RBFOX1: variants seen among roughly 807,000 people sequenced by gnomAD.
RBFOX1 encodes RNA binding protein fox-1 homolog 1.
A neutral mutation model predicts 57.7 loss-of-function variants in RBFOX1; 8 were observed. The ratio of observed to expected loss-of-function variants is 0.14; its 90% CI spans 0.08 to 0.25. The LOEUF (loss-of-function observed/expected upper bound fraction) is 0.25. Ranked by LOEUF, RBFOX1 falls within the 10% of genes least tolerant of loss-of-function variation. The probability of loss-of-function intolerance (pLI) is 1.00; values close to 1 mark genes in which losing one functional copy is unlikely to be tolerated. For missense variants in RBFOX1, 611 were observed against 548.5 expected, an observed-to-expected ratio of 1.11 and a Z score of -1.14; for synonymous variants, 326 against 222.4, an observed-to-expected ratio of 1.47 and a Z score of -4.15.
intron 3 of RBFOX1, among the ~76,000 whole-genome samples, chr16:6,867,912 T>G (rs1180471183): frequency 6.6e-6 from 1 of 152,076 alleles, no homozygotes; most frequent in South Asian, 2.1e-4. Flanking sequence ...AACAAGAGAG[T>G]AATCAAATAT....
chr16:6,292,196 G>A (rs558082482), intron 1 of RBFOX1, among the ~76,000 whole-genome samples: 107 of 152,186 alleles, frequency 7.0e-4, no homozygotes, highest in Non-Finnish European at 1.1e-3. Context: ...AGAGGTCAAG[G>A]CTGCAGTAAG....
chr16:6,828,253 C>T (rs1402779698), intron 3 of RBFOX1, among the ~76,000 whole-genome samples: 1 of 152,092 alleles, frequency 6.6e-6, no homozygotes, highest in Non-Finnish European at 1.5e-5. Context: ...AGGCCAGGCA[C>T]AGTGGCTCAC....
rs892857107 is a variant in RBFOX1, at chr16:6,369,110, A to G, written c.-64+52053A>G. Among the ~76,000 whole-genome samples, 8 of 152,206 alleles carry G rather than the reference A, an allele frequency of 5.3e-5. 1 individual carries two copies. Among genetic ancestry groups the G allele is most frequent in the Non-Finnish European group, 1.2e-4 (8 of 68,050 alleles). Reference sequence around the variant, plus strand: ...TACATGTATGTATGTGTGTATATGTATATATGTTTGTCAGGGATAACTAAG... The same window carrying G: ...TACATGTATGTATGTGTGTATATGTGTATATGTTTGTCAGGGATAACTAAG... On this transcript the variant is annotated intron_variant, in intron 2 of 15. Coordinates refer to ENST00000550418, the MANE Select transcript of RBFOX1 (RefSeq NM_018723.4).
At chr16:5,515,072 T>C (rs533815445) in intron 2 of RBFOX1, among the ~76,000 whole-genome samples, 50 of 152,220 alleles carry the variant, frequency 3.3e-4, no homozygotes, top group African/African-American at 1.0e-3. Context: ...CTAATGAATT[T>C]ACAGAACAAG....
chr16:6,718,547 G>A (rs564957917), intron 3 of RBFOX1, among the ~76,000 whole-genome samples: 12 of 152,326 alleles, frequency 7.9e-5, no homozygotes, highest in Admixed American at 2.6e-4. Flanking sequence ...TTTTCGTGGA[G>A]ACCTGACATG....
chr16:6,884,878 G>A (rs550639144), intron 3 of RBFOX1, among the ~76,000 whole-genome samples: 1 of 152,122 alleles, frequency 6.6e-6, no homozygotes, highest in Middle Eastern at 3.2e-3. Flanking sequence ...AGCCTGCATG[G>A]CAGAGCAAGG....
At chr16:5,806,068 G>C (rs2055215894) in intron 3 of RBFOX1, among the ~76,000 whole-genome samples, 1 of 152,098 alleles carries the variant, frequency 6.6e-6, no homozygotes, top group African/African-American at 2.4e-5. Context: ...TATTATTCCA[G>C]TTTGTCCCTG....
intron 3 of RBFOX1, among the ~76,000 whole-genome samples, chr16:6,714,919 C>G (rs1166557362): frequency 2.0e-5 from 3 of 152,264 alleles, no homozygotes; most frequent in African/African-American, 7.2e-5. Context: ...AAAGTGGAGA[C>G]AGATTGGAGC....
At chr16:6,932,664 G>C (rs1008128617) in intron 3 of RBFOX1, among the ~76,000 whole-genome samples, 4 of 152,144 alleles carry the variant, frequency 2.6e-5, no homozygotes, top group African/African-American at 9.7e-5. Context: ...AGTTGCACCA[G>C]ATTCTGAAGT....
At chr16:7,435,914 G>T (rs1307575118) in intron 4 of RBFOX1, among the ~76,000 whole-genome samples, 2 of 152,150 alleles carry the variant, frequency 1.3e-5, no homozygotes, top group Non-Finnish European at 2.9e-5. Flanking sequence ...GACCAAAGCA[G>T]GCAGCACTTG....
intron 1 of RBFOX1, among the ~76,000 whole-genome samples, chr16:5,405,411 C>T (rs1042755410): frequency 2.6e-5 from 4 of 152,246 alleles, no homozygotes; most frequent in East Asian, 1.9e-4. Flanking sequence ...TGCACAAACT[C>T]TCTTTTGCCT....
chr16:5,768,687 C>T lies in RBFOX1; in HGVS notation c.319-98616C>T, dbSNP rs74852487. ...TCCACTCTGCCTGCTGGGGAGGAAG[C>T]GGATGATTCTGAGCCCAGCCCACGT... On this transcript the variant is annotated intron_variant, in intron 3 of 19. Transcript: ENST00000641259. 7.1e-3 allele frequency among the ~76,000 whole-genome samples: 1,081 copies of T among 152,220 alleles called. 14 individuals are homozygous for T. Among genetic ancestry groups the T allele is most frequent in the African/African-American group, 0.024 (1,018 of 41,556 alleles).
intron 2 of RBFOX1, among the ~76,000 whole-genome samples, chr16:6,629,887 G>C (rs2098361247): frequency 6.7e-6 from 1 of 149,762 alleles, no homozygotes; most frequent in Admixed American, 6.7e-5. Context: ...TGTTATGAAG[G>C]ACCTGGACTA....
At chr16:5,442,500 C>T (rs1324636786) in intron 1 of RBFOX1, among the ~76,000 whole-genome samples, 1 of 152,146 alleles carries the variant, frequency 6.6e-6, no homozygotes, top group African/African-American at 2.4e-5. Flanking sequence ...AAGTTGTGTA[C>T]ATGAGGCTGG....
intron 2 of RBFOX1, among the ~76,000 whole-genome samples, chr16:6,600,970 A>C (rs1376144748): frequency 1.3e-5 from 2 of 152,190 alleles, no homozygotes; most frequent in East Asian, 1.9e-4. Context: ...ATAGCCTCTT[A>C]AATGTGATTA....
chr16:6,881,691 A>G (rs550166163), intron 3 of RBFOX1, among the ~76,000 whole-genome samples: 1 of 152,162 alleles, frequency 6.6e-6, no homozygotes, highest in Non-Finnish European at 1.5e-5. Context: ...TAAGACTTCA[A>G]CGTCTTAACG....
chr16:6,119,796 G>A (rs1006373293), intron 1 of RBFOX1, among the ~76,000 whole-genome samples: 6 of 152,102 alleles, frequency 3.9e-5, no homozygotes, highest in African/African-American at 1.4e-4. Context: ...CTCCATGTCT[G>A]GCCCCATTAA....
intron 3 of RBFOX1, among the ~76,000 whole-genome samples, chr16:6,687,884 C>T (rs1023028373): frequency 6.6e-6 from 1 of 152,176 alleles, no homozygotes; most frequent in Non-Finnish European, 1.5e-5. Context: ...TGAATGATGA[C>T]ACAGTGAATG....
At chr16:6,902,523 A>G (rs939170306) in intron 3 of RBFOX1, among the ~76,000 whole-genome samples, 1 of 152,170 alleles carries the variant, frequency 6.6e-6, no homozygotes, top group African/African-American at 2.4e-5. Context: ...GGAGTTCAAG[A>G]CCAGCCTAAC....
Sources: allele counts gnomAD v4.1 joint callset (sites outside exome capture counted in the v4.1 genomes callset), GRCh38; gene constraint gnomAD v4.1.1; transcripts MANE v1.5; gene names NCBI Gene and HGNC (gene_info 2026-07-23, HGNC 2026-07-21).